MACROD2: variants seen among roughly 807,000 people sequenced by gnomAD.
MACROD2 encodes the protein mono-ADP ribosylhydrolase 2.
A neutral mutation model predicts 70.4 loss-of-function variants in MACROD2; 36 were observed. The observed-to-expected ratio is 0.51, with a 90% CI of 0.39 to 0.68. MACROD2 has a LOEUF of 0.68. Among genes scored for constraint, MACROD2 ranks in the 30% least tolerant of loss-of-function variants. The probability of loss-of-function intolerance (pLI) is 0.00; values close to 1 mark genes in which losing one functional copy is unlikely to be tolerated. For missense variants in MACROD2, 496 were observed against 538.4 expected (o/e 0.92, Z 0.78); for synonymous variants, 172 against 178.8 (o/e 0.96, Z 0.30).
intron 5 of MACROD2, among the ~76,000 whole-genome samples, chr20:14,723,805 A>G (rs1343999070): frequency 6.6e-6 from 1 of 151,812 alleles, no homozygotes; most frequent in South Asian, 2.1e-4. Flanking sequence ...TTGCATACGT[A>G]TGTGTTAAAT....
At chr20:14,702,659 A>G (rs1350286131) in intron 5 of MACROD2, among the ~76,000 whole-genome samples, 1 of 74,502 alleles carries the variant, frequency 1.3e-5, no homozygotes, top group African/African-American at 4.9e-5. Flanking sequence ...ACACATATAT[A>G]TGTGTATATA....
At chr20:15,571,032 G>A (rs16996020) in intron 8 of MACROD2, among the ~76,000 whole-genome samples, 4,019 of 152,098 alleles carry the variant, frequency 0.026, 207 homozygotes, top group East Asian at 0.21. Flanking sequence ...ATCTTTTCTT[G>A]TACCCGCTGG....
chr20:15,729,831 C>CTTTTTTTTTTTT (rs61542762), intron 8 of MACROD2, among the ~76,000 whole-genome samples: 3,417 of 64,498 alleles, frequency 0.053, 1,064 homozygotes, highest in African/African-American at 0.17. Context: ...TTGGGTCATG[C>CTTTTTTTTTTTT]TTTTTTTTTT....
At chr20:15,810,313 C>A (rs900542885) in intron 8 of MACROD2, among the ~76,000 whole-genome samples, 2 of 151,462 alleles carry the variant, frequency 1.3e-5, no homozygotes, top group African/African-American at 4.9e-5. Context: ...TGAATAGTGC[C>A]ACAATAAACA....
Position 16,051,927 on chromosome 20 carries a change from A to G in MACROD2, c.*2051A>G, listed in dbSNP as rs529227936. On this transcript the variant is annotated 3_prime_UTR_variant, in exon 18 of 18. Coordinates refer to ENST00000684519, the MANE Select transcript of MACROD2 (RefSeq NM_001351661.2). ...CCTAATGTCCTTGCTAGAAACAGCC[A>G]GGATGGAAATTATCCAGCCCTGGCA... 2.0e-5 allele frequency: 3 copies of G among 152,326 alleles called. No individual in the cohort carries two copies. In the East Asian group the frequency reaches 5.8e-4, roughly 29 times the overall value. 9.4% of individuals were successfully genotyped at this position (152,326 alleles called of 1,614,324 possible). A position where few individuals can be genotyped will look rare whatever the true frequency, so the allele number is the denominator to read the frequency against.
rs866546763 is a variant in MACROD2 at position 15,708,584 on chromosome 20, C to T, written c.646-154161C>T. On this transcript the variant is annotated intron_variant, in intron 8 of 17. Coordinates refer to ENST00000684519, the MANE Select transcript of MACROD2 (RefSeq NM_001351661.2). ...GGAGCCAGACCCTGTTCAATAATGC[C>T]TCGACTTGAGCCCAGCATGCTGGCT... Among the ~76,000 whole-genome samples, 3 of 152,278 alleles carry T rather than the reference C, an allele frequency of 2.0e-5. No homozygotes were observed. The South Asian group carries it at 6.2e-4, about 32-fold the overall frequency.
At position 15,326,078 on chromosome 20, in the gene MACROD2, G is replaced by C. The variant is rs114392254; in HGVS notation, c.540+96017G>C. ...ATTGCAAAAGTGATGAATGAGGTAG[G>C]CAATCAGGACTGTTTTTCATATTTT... On this transcript the variant is annotated intron_variant, in intron 6 of 17. Transcript: ENST00000684519. Among the ~76,000 whole-genome samples, 623 of 152,134 alleles carry C rather than the reference G, an allele frequency of 4.1e-3. 9 individuals carry two copies. The highest frequency in any genetic ancestry group is 0.014 in the African/African-American group (597 of 41,474).
intron 5 of MACROD2, among the ~76,000 whole-genome samples, chr20:15,112,982 T>TGTGTGTG (rs1241048378): frequency 2.1e-5 from 2 of 95,980 alleles, no homozygotes; most frequent in Non-Finnish European, 2.7e-5. Context: ...GTGTGTGTGT[T>TGTGTGTG]TGTGTGTGTA....
At chr20:14,720,526 T>A (rs1260425156) in intron 5 of MACROD2, among the ~76,000 whole-genome samples, 1 of 133,292 alleles carries the variant, frequency 7.5e-6, no homozygotes, top group African/African-American at 2.8e-5. Context: ...ATTTCCCAGC[T>A]GCCCCACAAC....
At chr20:15,116,532 C>T (rs2075992925) in intron 5 of MACROD2, among the ~76,000 whole-genome samples, 1 of 152,080 alleles carries the variant, frequency 6.6e-6, no homozygotes, top group Admixed American at 6.5e-5. Context: ...GTAATCCCAG[C>T]TACTTGGGAG....
At chr20:15,612,731 G>A (rs1056148949) in intron 8 of MACROD2, among the ~76,000 whole-genome samples, 5 of 152,116 alleles carry the variant, frequency 3.3e-5, no homozygotes, top group African/African-American at 1.2e-4. Flanking sequence ...TTTTTAAAAT[G>A]GTCTGTAGAA....
chr20:16,037,906 T>C (rs1046760850), intron 15 of MACROD2, among the ~76,000 whole-genome samples: 2 of 151,986 alleles, frequency 1.3e-5, no homozygotes, highest in South Asian at 4.1e-4. Context: ...GATGTGAAGG[T>C]CTTTGTCCAC....
intron 4 of MACROD2, among the ~76,000 whole-genome samples, chr20:14,583,057 A>G (rs1487176266): frequency 4.6e-5 from 4 of 86,290 alleles, no homozygotes; most frequent in Non-Finnish European, 8.1e-5. Flanking sequence ...TTCCAGGCTC[A>G]GGAACTAAGG....
chr20:14,504,724 A>G (rs1250691483), intron 4 of MACROD2, among the ~76,000 whole-genome samples: 1 of 152,216 alleles, frequency 6.6e-6, no homozygotes, highest in Non-Finnish European at 1.5e-5. Flanking sequence ...AATATGATAC[A>G]GTATCCGTTA....
At chr20:13,998,839 CA>C (rs2052696126) in intron 1 of MACROD2, among the ~76,000 whole-genome samples, 1 of 151,750 alleles carries the variant, frequency 6.6e-6, no homozygotes, top group African/African-American at 2.4e-5. Flanking sequence ...CCTGTAATCC[CA>C]GCTACTCGGG....
intron 5 of MACROD2, among the ~76,000 whole-genome samples, chr20:15,124,060 T>C (rs1222702980): frequency 2.0e-5 from 3 of 152,180 alleles, no homozygotes; most frequent in Non-Finnish European, 4.4e-5. Flanking sequence ...TTTGATTCAC[T>C]TTTATTTATA....
chr20:15,794,832 T>G (rs1028846332), intron 8 of MACROD2, among the ~76,000 whole-genome samples: 1 of 152,162 alleles, frequency 6.6e-6, no homozygotes, highest in African/African-American at 2.4e-5. Flanking sequence ...GAACGCTATT[T>G]CTCTCAAACC....
intron 3 of MACROD2, among the ~76,000 whole-genome samples, chr20:14,430,108 A>C (rs1421230050): frequency 6.6e-6 from 1 of 152,208 alleles, no homozygotes; most frequent in Non-Finnish European, 1.5e-5. Flanking sequence ...CAAGTTGTGC[A>C]GATTAAGTAT....
intron 5 of MACROD2, among the ~76,000 whole-genome samples, chr20:15,229,418 T>C (rs561439535): frequency 2.6e-5 from 4 of 152,320 alleles, no homozygotes; most frequent in African/African-American, 7.2e-5. Context: ...TTTGCAATTA[T>C]TCTTCTCAAG....
Sources: allele counts gnomAD v4.1 joint callset (sites outside exome capture counted in the v4.1 genomes callset), GRCh38; gene constraint gnomAD v4.1.1; transcripts MANE v1.5; gene names NCBI Gene and HGNC (gene_info 2026-07-23, HGNC 2026-07-21).